The following KIF3C variants were observed in gnomAD, a reference collection of about 807,000 sequenced individuals.
KIF3C encodes kinesin family member 3C, also known as kinesin-like protein KIF3C.
Under a neutral mutation model 67.7 loss-of-function variants are expected in KIF3C, and 12 were observed. The observed-to-expected ratio is 0.18, with a 90% CI of 0.11 to 0.29. The LOEUF (loss-of-function observed/expected upper bound fraction) is 0.29, where lower values mean the gene tolerates loss of function less well. KIF3C is among the 10% of genes least tolerant of loss of function. KIF3C has a pLI of 1.00. For missense variants in KIF3C, 789 were observed against 1,059.6 expected, an observed-to-expected ratio of 0.74 and a Z score of 3.55; for synonymous variants, 393 against 426.2, an observed-to-expected ratio of 0.92 and a Z score of 0.96.
At chr2:25,974,477 A>G (rs938753570) in intron 1 of KIF3C, among the ~76,000 whole-genome samples, 3 of 152,208 alleles carry the variant, frequency 2.0e-5, no homozygotes, top group African/African-American at 4.8e-5. Context: ...CTGGGATTAC[A>G]GGCATGAGCC....
At chr2:25,961,219 G>A (rs558985156) in intron 1 of KIF3C, among the ~76,000 whole-genome samples, 2 of 152,356 alleles carry the variant, frequency 1.3e-5, no homozygotes, top group African/African-American at 2.4e-5. Context: ...CACATCAGAG[G>A]TTATTCAAAG....
chr2:25,929,487 G>A lies in KIF3C; in HGVS notation c.2116-10C>T. 1 of 1,612,868 alleles carries A rather than the reference G, an allele frequency of 6.2e-7. No homozygotes were observed. Among genetic ancestry groups the A allele is most frequent in the Admixed American group, 1.7e-5 (1 of 59,988 alleles). ...ACATTATGTTTTCAGCCTGTGGTGG[G>A]AATATCATGCCAGGCTTGAACAGTG... On this transcript the variant is annotated splice_polypyrimidine_tract_variant and intron_variant, in intron 6 of 7. Coordinates refer to ENST00000264712, the MANE Select transcript of KIF3C (RefSeq NM_002254.8).
intron 6 of KIF3C, 106 bp downstream of exon 6, chr2:25,929,849 C>T: frequency 2.6e-6 from 2 of 777,744 alleles, no homozygotes; most frequent in Non-Finnish European, 4.5e-6. Flanking sequence ...CTCCTGACCT[C>T]AGGTGATCCA....
At chr2:25,949,795 C>A (rs1663547930) in intron 5 of KIF3C, among the ~76,000 whole-genome samples, 1 of 151,498 alleles carries the variant, frequency 6.6e-6, no homozygotes, top group Non-Finnish European at 1.5e-5. Context: ...CATGGTGAAA[C>A]CCCGTCTCTA....
chr2:25,945,564 CAAAAAAAAAA>C (rs10581291), intron 5 of KIF3C, among the ~76,000 whole-genome samples: 31 of 67,376 alleles, frequency 4.6e-4, no homozygotes, highest in Admixed American at 2.4e-3. Flanking sequence ...GAGAATATCT[CAAAAAAAAAA>C]AAAAAAAAAA....
chr2:25,945,732 C>T (rs1451452420), intron 5 of KIF3C, among the ~76,000 whole-genome samples: 1 of 152,062 alleles, frequency 6.6e-6, no homozygotes, highest in Non-Finnish European at 1.5e-5. Context: ...TGCCAGTGCA[C>T]CGCAGCCTGG....
chr2:25,979,289 A>G (rs13410984), intron 1 of KIF3C, among the ~76,000 whole-genome samples: 25,308 of 152,006 alleles, frequency 0.17, 3,087 homozygotes, highest in African/African-American at 0.35. Flanking sequence ...GCCCCATTAG[A>G]GCCTGGAAGG....
At chr2:25,963,418 G>A (rs1484940330) in intron 1 of KIF3C, among the ~76,000 whole-genome samples, 1 of 148,854 alleles carries the variant, frequency 6.7e-6, no homozygotes, top group East Asian at 2.0e-4. Context: ...ATGTTGCCCA[G>A]GCTGGCTCAA....
rs1473631660 is a variant in KIF3C, at chr2:25,962,999, TATATAATATATAATATATATA to T, written c.1546-6576_1546-6556del. Among the ~76,000 whole-genome samples, 84 of 47,246 alleles carry T rather than the reference TATATAATATATAATATATATA, an allele frequency of 1.8e-3. 9 individuals are homozygous for T. Among genetic ancestry groups the T allele is most frequent in the African/African-American group, 0.01 (79 of 7,560 alleles). 31.0% of individuals were successfully genotyped at this position (47,246 alleles called of 152,430 possible). On this transcript the variant is annotated intron_variant, in intron 1 of 7. Transcript: ENST00000264712. ...AATATATAATATATAATATATATAA[TATATAATATATAATATATATA>T]ATATATAATATATAATATATAATAT...
intron 1 of KIF3C, among the ~76,000 whole-genome samples, chr2:25,960,166 G>A (rs922102904): frequency 8.5e-5 from 13 of 152,302 alleles, no homozygotes; most frequent in African/African-American, 3.1e-4. Flanking sequence ...TTGTTTGGGA[G>A]GCTGAGGCAG....
chr2:25,954,990 C>G (rs924113880), intron 3 of KIF3C, among the ~76,000 whole-genome samples: 4 of 152,312 alleles, frequency 2.6e-5, no homozygotes, highest in African/African-American at 9.6e-5. Context: ...TCACCCACCC[C>G]GAAGGGCCTC....
chr2:25,935,655 C>G (rs768801961), intron 5 of KIF3C, among the ~76,000 whole-genome samples: 3 of 152,136 alleles, frequency 2.0e-5, no homozygotes, highest in Non-Finnish European at 4.4e-5. Context: ...AGCCACTGTG[C>G]CTGGCCCTGA....
At chr2:25,950,375 G>A (rs1199697494) in intron 5 of KIF3C, among the ~76,000 whole-genome samples, 2 of 151,278 alleles carry the variant, frequency 1.3e-5, no homozygotes, top group Non-Finnish European at 2.9e-5. Flanking sequence ...CTGCCACCAC[G>A]CCCAGCTAAT....
At position 25,928,990 on chromosome 2, in the gene KIF3C, C is replaced by T. The variant is rs746116686; in HGVS notation, c.2370G>A (p.Ala790=). ...GACGTGATGGTTGTCACTCATGGTC[C>T]GCCACTGTTGCAGGGCGCAGAGAAG... ...ASASLRPATV[A]DHE is the part of the protein sequence containing the mutation. Residue 790 remains alanine (A), a synonymous_variant, in exon 8 of 8, where the codon GCG becomes GCA. Transcript: ENST00000264712. 1.3e-5 allele frequency: 21 copies of T among 1,613,236 alleles called. No individual in the cohort carries two copies. The highest frequency in any genetic ancestry group is 8.3e-5 in the Admixed American group (5 of 59,980).
intron 1 of KIF3C, among the ~76,000 whole-genome samples, chr2:25,964,134 C>T (rs1422646377): frequency 6.6e-6 from 1 of 152,062 alleles, no homozygotes; most frequent in Non-Finnish European, 1.5e-5. Context: ...ATGGCAAAAT[C>T]TCATCTCTAC....
intron 1 of KIF3C, among the ~76,000 whole-genome samples, chr2:25,963,058 A>G (rs1574492745): frequency 1.1e-5 from 1 of 91,972 alleles, no homozygotes; most frequent in African/African-American, 4.2e-5. Context: ...AAATATATAA[A>G]TATATATACA....
chr2:25,981,036 G>A lies in KIF3C; in HGVS notation c.882C>T (p.Asn294=), dbSNP rs1034361425. Residue 294 remains asparagine (N), a synonymous_variant, in exon 1 of 8, where the codon AAC becomes AAT. Transcript: ENST00000264712. This position sits in a 1 kb window ranked among gnomAD's most constrained non-coding sequence, Gnocchi z 8.2. The part of the protein sequence containing the change: ...GERPKEASKI[N]LSLSALGNVI... ...CGTTGCCCAGGGCAGATAATGAGAGGTTGATTTTGGAGGCTTCCTTAGGCC... is the reference window on the plus strand; with the variant it reads ...CGTTGCCCAGGGCAGATAATGAGAGATTGATTTTGGAGGCTTCCTTAGGCC... The A allele has an allele frequency of 3.1e-6, 5 of 1,614,090 alleles. No individual in the cohort carries two copies. The highest frequency in any genetic ancestry group is 1.3e-5 in the African/African-American group (1 of 74,926).
At chr2:25,974,364 G>C (rs1004584670) in intron 1 of KIF3C, among the ~76,000 whole-genome samples, 1 of 151,984 alleles carries the variant, frequency 6.6e-6, no homozygotes, top group Non-Finnish European at 1.5e-5. Context: ...CACCGCGCCC[G>C]GCCTTTTTCT....
chr2:25,935,253 T>A (rs1248190578), intron 5 of KIF3C, among the ~76,000 whole-genome samples: 1 of 151,798 alleles, frequency 6.6e-6, no homozygotes, highest in Non-Finnish European at 1.5e-5. Context: ...TAAAAAAAAA[T>A]AAATAATAAA....
Sources: allele counts gnomAD v4.1 joint callset (sites outside exome capture counted in the v4.1 genomes callset), GRCh38; gene constraint gnomAD v4.1.1; non-coding constraint Gnocchi (gnomAD v3.1); transcripts MANE v1.5; gene names NCBI Gene and HGNC (gene_info 2026-07-23, HGNC 2026-07-21).